The following MTG2 variants were observed in gnomAD, a reference collection of about 807,000 sequenced individuals.
MTG2 encodes mitochondrial ribosome associated GTPase 2, also known as mitochondrial ribosome-associated GTPase 2.
In MTG2, 23 loss-of-function variants were observed where a neutral mutation model predicts 28.6. The observed-to-expected ratio is 0.80, with a 90% CI of 0.58 to 1.14. MTG2 has a LOEUF of 1.14. Ranked by LOEUF, MTG2 falls within the 50% of genes most tolerant of loss-of-function variation. The probability of loss-of-function intolerance (pLI) is 0.00; values close to 1 mark genes in which losing one functional copy is unlikely to be tolerated. For synonymous variants in MTG2, 260 were observed against 251.8 expected (o/e 1.03, Z -0.31); for missense variants, 539 against 552.0 (o/e 0.98, Z 0.24).
At chr20:62,190,351 A>G (rs978985801) in intron 1 of MTG2, among the ~76,000 whole-genome samples, 7 of 152,352 alleles carry the variant, frequency 4.6e-5, no homozygotes, top group African/African-American at 1.7e-4. Context: ...CTACAGTCTT[A>G]CATATTTAAG....
chr20:62,188,344 T>TC (rs997575134), intron 1 of MTG2, among the ~76,000 whole-genome samples: 10 of 151,820 alleles, frequency 6.6e-5, no homozygotes, highest in African/African-American at 2.4e-4. Flanking sequence ...TTCATATACT[T>TC]CCCCCCAGCC....
rs773252275 is a variant in MTG2 at position 62,199,235 on chromosome 20, C to T, written c.804C>T (p.Tyr268=). The T allele has an allele frequency of 3.2e-5, 52 of 1,613,618 alleles. No homozygotes were observed. Among genetic ancestry groups the T allele is most frequent in the Admixed American group, 8.3e-5 (5 of 59,984 alleles). The change falls in exon 6 of 7, where the codon TAC becomes TAT. Residue 268 remains tyrosine, a synonymous_variant. Transcript: ENST00000370823. ...AGCCCCACGTCGGGATCGTCCACTA[C>T]GAAGGCCACCTACAAATAGCAGGTA... ...TLKPHVGIVH[Y]EGHLQIAVAD... is the part of the protein sequence containing the mutation.
At chr20:62,196,769 C>A (rs972913461) in intron 3 of MTG2, among the ~76,000 whole-genome samples, 1 of 151,560 alleles carries the variant, frequency 6.6e-6, no homozygotes, top group Non-Finnish European at 1.5e-5. Flanking sequence ...TGGCTCACAC[C>A]TGTAATCCCA....
At chr20:62,197,425 A>T (rs1158200769) in intron 3 of MTG2, 1 of 153,820 alleles carries the variant, frequency 6.5e-6, no homozygotes, top group African/African-American at 2.4e-5. Flanking sequence ...AACTTTGAAC[A>T]TGTTTTGTTT....
At chr20:62,196,120 C>T (rs1026776822) in intron 3 of MTG2, among the ~76,000 whole-genome samples, 171 bp downstream of exon 3, 10 of 151,704 alleles carry the variant, frequency 6.6e-5, no homozygotes, top group African/African-American at 2.4e-4. Context: ...CAAGACCAGC[C>T]TGGACAATAT....
Position 62,196,163 on chromosome 20 carries a change from T to G in MTG2, c.352+214T>G, listed in dbSNP as rs77431372. Among the ~76,000 whole-genome samples, 80 of 110,068 alleles carry G rather than the reference T, an allele frequency of 7.3e-4. 1 individual carries two copies. Among genetic ancestry groups the G allele is most frequent in the East Asian group, 1.1e-3 (1 of 924 alleles). The allele number at this position is 110,068 out of a possible 152,430, so 72.2% of individuals were successfully genotyped here. On this transcript the variant is annotated intron_variant, in intron 3 of 6. Coordinates refer to ENST00000370823, the MANE Select transcript of MTG2 (RefSeq NM_015666.4). ...CCATGTCTTTTTTGTTTGTTTGTTT[T>G]TTTGTTTTTTTTTTTTTGCCTCAAG...
chr20:62,188,239 A>G (rs1335767259), intron 1 of MTG2, among the ~76,000 whole-genome samples: 1 of 152,070 alleles, frequency 6.6e-6, no homozygotes, highest in South Asian at 2.1e-4. Context: ...TATTTAGAAG[A>G]AGCTTGTTTG....
intron 2 of MTG2, 155 bp downstream of exon 2, chr20:62,193,779 C>T (rs1386797184): frequency 8.9e-5 from 66 of 739,244 alleles, no homozygotes; most frequent in South Asian, 8.9e-4. Flanking sequence ...CAGGGTGAAA[C>T]GCAGGCCTGC....
At chr20:62,192,863 C>T (rs1011579384) in intron 1 of MTG2, among the ~76,000 whole-genome samples, 3 of 152,100 alleles carry the variant, frequency 2.0e-5, no homozygotes, top group Admixed American at 6.5e-5. Flanking sequence ...GTTGTGCAGC[C>T]GTGTGGATCA....
rs764705797 is a variant in MTG2 at position 62,198,719 on chromosome 20, G to T, written c.554G>T (p.Gly185Val). ...CVGDEYIAAL[G>V]GAGGKGNRFF... ...GGAGATGAGTACATTGCCGCGCTGG[G>T]CGGGGCAGGAGGGAAAGGCAACCGC... The change falls in exon 5 of 7, where the codon GGC becomes GTC. Residue 185 changes from glycine (G) to valine (V), a missense_variant. By Grantham distance (109) the Gly-to-Val change is moderately radical. Coordinates refer to ENST00000370823, the MANE Select transcript of MTG2 (RefSeq NM_015666.4). 4 of 1,614,146 alleles carry T rather than the reference G, an allele frequency of 2.5e-6. No individual in the cohort carries two copies. The highest frequency in any genetic ancestry group is 1.6e-4 in the Middle Eastern group (1 of 6,062).
chr20:62,190,755 G>C (rs1341541163), intron 1 of MTG2, among the ~76,000 whole-genome samples: 1 of 152,222 alleles, frequency 6.6e-6, no homozygotes, highest in African/African-American at 2.4e-5. Flanking sequence ...CAGCGGCGGC[G>C]GCCGCACAGG....
intron 1 of MTG2, among the ~76,000 whole-genome samples, chr20:62,189,787 C>T (rs2057921087): frequency 6.6e-6 from 1 of 151,530 alleles, no homozygotes; most frequent in African/African-American, 2.4e-5. Flanking sequence ...GCCTCAGCCT[C>T]CTGAGTAGCT....
chr20:62,194,953 T>C (rs1051386257), intron 2 of MTG2, among the ~76,000 whole-genome samples: 4 of 152,156 alleles, frequency 2.6e-5, no homozygotes, highest in African/African-American at 9.6e-5. Context: ...TCCCAGCACT[T>C]TGGGAGGCCG....
At chr20:62,199,645 CAAAAAA>C (rs201555286) in intron 6 of MTG2, among the ~76,000 whole-genome samples, 13 of 70,852 alleles carry the variant, frequency 1.8e-4, no homozygotes, top group Non-Finnish European at 2.8e-4. Flanking sequence ...AACTCCATCT[CAAAAAA>C]AAAAAAAAAA....
chr20:62,187,947 C>T (rs868173160), intron 1 of MTG2, among the ~76,000 whole-genome samples: 12 of 151,988 alleles, frequency 7.9e-5, no homozygotes, highest in Middle Eastern at 3.4e-3. Flanking sequence ...TGTAAGTTTC[C>T]TTCTAAACAC....
rs1480554994 is a variant in MTG2, at chr20:62,202,175, C to T, written c.*1098C>T. 1.3e-5 allele frequency: 2 copies of T among 148,938 alleles called. No homozygotes were observed. Among genetic ancestry groups the T allele is most frequent in the Non-Finnish European group, 3.0e-5 (2 of 66,376 alleles). 9.2% of individuals were successfully genotyped at this position (148,938 alleles called of 1,614,324 possible). On this transcript the variant is annotated 3_prime_UTR_variant, in exon 7 of 7. Transcript: ENST00000370823. ...AAGTACTGATGCATCCAAGCCAGGCCCATGCCTGGTGTCTCCCTGACTGCA... is the reference window on the plus strand; with the variant it reads ...AAGTACTGATGCATCCAAGCCAGGCTCATGCCTGGTGTCTCCCTGACTGCA...
intron 3 of MTG2, among the ~76,000 whole-genome samples, 163 bp downstream of exon 3, chr20:62,196,112 AG>A (rs995257899): frequency 6.6e-6 from 1 of 152,020 alleles, no homozygotes; most frequent in African/African-American, 2.4e-5. Context: ...CATAAGTTCA[AG>A]ACCAGCCTGG....
chr20:62,198,211 C>T, intron 4 of MTG2: 2 of 548,730 alleles, frequency 3.6e-6, no homozygotes, highest in East Asian at 3.1e-5. Context: ...TGAAACGATT[C>T]TCTTTTAAAA....
intron 6 of MTG2, 70 bp from the exon 7 acceptor site, chr20:62,200,613 G>C: frequency 6.7e-7 from 1 of 1,503,108 alleles, no homozygotes; most frequent in Non-Finnish European, 8.8e-7. Flanking sequence ...TCCCAGGCTC[G>C]AGGTGGAAGG....
Sources: allele counts gnomAD v4.1 joint callset (sites outside exome capture counted in the v4.1 genomes callset), GRCh38; gene constraint gnomAD v4.1.1; transcripts MANE v1.5; gene names NCBI Gene and HGNC (gene_info 2026-07-23, HGNC 2026-07-21).